The following ETV5 variants were observed in gnomAD, a reference collection of about 807,000 sequenced individuals.
The protein encoded by ETV5 is ETS translocation variant 5.
A neutral mutation model predicts 70.0 loss-of-function variants in ETV5; 10 were observed. The observed-to-expected ratio is 0.14, with a 90% CI of 0.09 to 0.24. The LOEUF is 0.24. Ranked by LOEUF, ETV5 falls within the 10% of genes least tolerant of loss-of-function variation. The pLI, the probability that ETV5 is intolerant of heterozygous loss-of-function variation, is 1.00. For synonymous variants in ETV5, 216 were observed against 242.2 expected (o/e 0.89, Z 1.01); for missense variants, 453 against 651.2 (o/e 0.70, Z 3.31).
chr3:186,055,167 C>T (rs544504349), intron 11 of ETV5, among the ~76,000 whole-genome samples: 1 of 152,330 alleles, frequency 6.6e-6, no homozygotes, highest in South Asian at 2.1e-4. Context: ...AGGATCATAA[C>T]CAGGTTTACC....
chr3:186,086,804 GA>G (rs61308125), intron 5 of ETV5, among the ~76,000 whole-genome samples: 2,070 of 121,042 alleles, frequency 0.017, 11 homozygotes, highest in Middle Eastern at 0.024. Context: ...AAAAAGATAC[GA>G]AAAAAAAAAA....
At chr3:186,107,409 C>T (rs1714613568) in intron 1 of ETV5, among the ~76,000 whole-genome samples, 1 of 151,964 alleles carries the variant, frequency 6.6e-6, no homozygotes, top group African/African-American at 2.4e-5. Context: ...TGGCCTAAGA[C>T]ATTTTGTGAA....
chr3:186,056,668 T>C (rs370362070), intron 11 of ETV5, among the ~76,000 whole-genome samples: 50 of 152,334 alleles, frequency 3.3e-4, no homozygotes, highest in African/African-American at 1.1e-3. Flanking sequence ...CTGTAATATA[T>C]TGTCAAAATG....
At position 186,057,618 on chromosome 3, in the gene ETV5, G is replaced by T; in HGVS notation, c.971-127C>A. Reference sequence around the variant, plus strand: ...CCTAAGTCCTACTGCTGTATCTATGGCAGACTGAATTTTCAGGGACTTCAA... The same window carrying T: ...CCTAAGTCCTACTGCTGTATCTATGTCAGACTGAATTTTCAGGGACTTCAA... On this transcript the variant is annotated intron_variant, in intron 9 of 12. Transcript: ENST00000306376. This position sits in a 1 kb window ranked among gnomAD's most constrained non-coding sequence, Gnocchi z 4.9. 1.2e-6 allele frequency: 1 copy of T among 808,768 alleles called. No individual in the cohort carries two copies. The highest frequency in any genetic ancestry group is 2.1e-6 in the Non-Finnish European group (1 of 481,070). The allele number at this position is 808,768 out of a possible 1,614,324, so 50.1% of individuals were successfully genotyped here. A position where few individuals can be genotyped will look rare whatever the true frequency, so the allele number is the denominator to read the frequency against.
intron 5 of ETV5, among the ~76,000 whole-genome samples, chr3:186,096,339 C>T (rs1714302547): frequency 1.3e-5 from 2 of 152,198 alleles, no homozygotes; most frequent in Non-Finnish European, 1.5e-5. Context: ...AGACATCCCC[C>T]CCTCTTCTAT....
chr3:186,099,760 A>C (rs1249141955), intron 5 of ETV5, among the ~76,000 whole-genome samples: 1 of 152,182 alleles, frequency 6.6e-6, no homozygotes, highest in Non-Finnish European at 1.5e-5. Context: ...ATGCTGAAAG[A>C]GGAGGGGATA....
chr3:186,094,881 G>C (rs543055233), intron 5 of ETV5, among the ~76,000 whole-genome samples: 1 of 152,152 alleles, frequency 6.6e-6, no homozygotes, highest in Non-Finnish European at 1.5e-5. Context: ...AAAAACAAGA[G>C]GTTCTTCTGA....
intron 7 of ETV5, among the ~76,000 whole-genome samples, chr3:186,069,792 C>G (rs1298064201): frequency 3.9e-5 from 6 of 152,068 alleles, no homozygotes; most frequent in Non-Finnish European, 8.8e-5. Flanking sequence ...AGCCACGGTA[C>G]CCAGCTGATG....
chr3:186,079,406 A>C (rs1202760802), intron 7 of ETV5: 1 of 239,952 alleles, frequency 4.2e-6, no homozygotes, highest in East Asian at 6.2e-5. Flanking sequence ...ACCTTGTATA[A>C]ATCAGCAATT....
At chr3:186,106,947 C>G in intron 1 of ETV5, 3 of 985,028 alleles carry the variant, frequency 3.0e-6, no homozygotes, top group Non-Finnish European at 3.6e-6. Flanking sequence ...TTCACTCACT[C>G]CAGCTCTAAG....
chr3:186,049,097 T>TA (rs1712957405), intron 12 of ETV5, among the ~76,000 whole-genome samples: 1 of 152,156 alleles, frequency 6.6e-6, no homozygotes, highest in Admixed American at 6.5e-5. Context: ...GATGGACTCT[T>TA]AAAAGAAAAT....
chr3:186,069,463 A>C (rs1342294391), intron 7 of ETV5, among the ~76,000 whole-genome samples: 1 of 151,766 alleles, frequency 6.6e-6, no homozygotes, highest in Non-Finnish European at 1.5e-5. Context: ...CATGCCGCAA[A>C]CCTAAAGGGA....
chr3:186,084,317 A>C (rs1320810827), intron 5 of ETV5: 1 of 394,998 alleles, frequency 2.5e-6, no homozygotes. Context: ...TTGACATTTG[A>C]GCTAATAAAC....
At position 186,081,038 on chromosome 3, in the gene ETV5, C is replaced by G. The variant is rs759145587; in HGVS notation, c.362+8G>C. Reference sequence around the variant, plus strand: ...GCAGCCTTTCTTCGACTCCTCTTGCCCACTCACCAATAGTTGTAGAGGCAC... The same window carrying G: ...GCAGCCTTTCTTCGACTCCTCTTGCGCACTCACCAATAGTTGTAGAGGCAC... On this transcript the variant is annotated splice_region_variant and intron_variant, in intron 6 of 12. Transcript: ENST00000306376. 1 of 1,604,274 alleles carries G rather than the reference C, an allele frequency of 6.2e-7. No homozygotes were observed. The highest frequency in any genetic ancestry group is 1.7e-4 in the Middle Eastern group (1 of 6,020).
chr3:186,093,072 T>C (rs1303381383), intron 5 of ETV5, among the ~76,000 whole-genome samples: 7 of 152,200 alleles, frequency 4.6e-5, no homozygotes, highest in African/African-American at 1.7e-4. Flanking sequence ...ATGTGGGCTA[T>C]ATGAGATACA....
chr3:186,097,966 G>A (rs1560056116), intron 5 of ETV5, among the ~76,000 whole-genome samples: 2 of 152,214 alleles, frequency 1.3e-5, no homozygotes, highest in Non-Finnish European at 2.9e-5. Context: ...AGGCAAGAGG[G>A]GGAATCTGCA....
At chr3:186,072,480 C>T (rs1207342956) in intron 7 of ETV5, among the ~76,000 whole-genome samples, 1 of 152,180 alleles carries the variant, frequency 6.6e-6, no homozygotes, top group Non-Finnish European at 1.5e-5. Context: ...CACTGGTTGC[C>T]TTTTCAATAT....
chr3:186,047,999 C>T lies in ETV5; in HGVS notation c.*640G>A. The T allele has an allele frequency of 4.3e-6, 1 of 233,386 alleles. No individual in the cohort carries two copies. 14.5% of individuals were successfully genotyped at this position (233,386 alleles called of 1,614,324 possible). On this transcript the variant is annotated 3_prime_UTR_variant, in exon 13 of 13. Coordinates refer to ENST00000306376, the MANE Select transcript of ETV5 (RefSeq NM_004454.3). The stretch of plus-strand genomic sequence containing the variant: ...GGGAAGAGAAAGGGGGCTTGCTCTA[C>T]TTGGCGACCACATGGCCGGGTGGTT...
chr3:186,086,182 G>A lies in ETV5; in HGVS notation c.233-5007C>T, dbSNP rs1246414481. Reference sequence around the variant, plus strand: ...GCTCGTCAGGGGTAGAAAAAAGAAGGGCAGTTAGCTGATAAGATGTAATTA... The same window carrying A: ...GCTCGTCAGGGGTAGAAAAAAGAAGAGCAGTTAGCTGATAAGATGTAATTA... On this transcript the variant is annotated intron_variant, in intron 5 of 12. Transcript: ENST00000306376. Among the ~76,000 whole-genome samples, 4 of 152,154 alleles carry A rather than the reference G, an allele frequency of 2.6e-5. No homozygotes were observed. The South Asian group carries it at 6.2e-4, about 24-fold the overall frequency.
Sources: allele counts gnomAD v4.1 joint callset (sites outside exome capture counted in the v4.1 genomes callset), GRCh38; gene constraint gnomAD v4.1.1; non-coding constraint Gnocchi (gnomAD v3.1); transcripts MANE v1.5; gene names NCBI Gene and HGNC (gene_info 2026-07-23, HGNC 2026-07-21).